C4orf50: variants seen among roughly 807,000 people sequenced by gnomAD.
C4orf50 encodes chromosome 4 open reading frame 50, also known as uncharacterized protein C4orf50.
C4orf50 carries 80 observed loss-of-function variants against 77.2 expected under a neutral mutation model. That is an observed-to-expected ratio of 1.04 (90% CI 0.87 to 1.25). The LOEUF is 1.25. Among genes scored for constraint, C4orf50 ranks in the 50% most tolerant of loss-of-function variants. C4orf50 has a pLI of 0.00. For missense variants in C4orf50, 1,257 were observed against 1,152.9 expected (o/e 1.09, Z -1.31); for synonymous variants, 532 against 465.3 (o/e 1.14, Z -1.84).
intron 25 of C4orf50, among the ~76,000 whole-genome samples, chr4:5,997,016 C>T (rs16838037): frequency 2.0e-5 from 3 of 151,462 alleles, no homozygotes; most frequent in South Asian, 2.1e-4. Context: ...ATCAAAGAAA[C>T]GAAGTGAAAG....
intron 7 of C4orf50, among the ~76,000 whole-genome samples, chr4:5,950,897 G>A (rs1163723027): frequency 1.3e-5 from 2 of 152,202 alleles, no homozygotes; most frequent in Non-Finnish European, 2.9e-5. Flanking sequence ...ATGGATGGGT[G>A]GATGAATGAA....
exon 32 of C4orf50, chr4:5,967,440 T>G (rs1472941743): frequency 2.5e-6 from 4 of 1,614,092 alleles, no homozygotes; most frequent in South Asian, 1.1e-5. Context: ...CATCTCAGAC[T>G]TGACGTCCAG....
intron 7 of C4orf50, among the ~76,000 whole-genome samples, chr4:5,917,595 G>A (rs1036866117): frequency 2.6e-5 from 4 of 151,796 alleles, no homozygotes; most frequent in African/African-American, 9.7e-5. Context: ...TGTATTTTTA[G>A]TAGAGACAGG....
chr4:5,959,990 A>AG (rs1254943660), intron 33 of C4orf50, among the ~76,000 whole-genome samples: 1 of 152,182 alleles, frequency 6.6e-6, no homozygotes, highest in East Asian at 1.9e-4. Flanking sequence ...TTCCCTTGAA[A>AG]GGGGAAGTCA....
exon 28 of C4orf50, chr4:5,990,170 G>C (rs925999128): frequency 2.2e-5 from 27 of 1,249,588 alleles, no homozygotes; most frequent in Non-Finnish European, 2.5e-5. Flanking sequence ...TGTAGAAGAG[G>C]CATCAAAAAC....
chr4:5,959,076 G>A (rs941000713), exon 34 of C4orf50: 2 of 284,848 alleles, frequency 7.0e-6, no homozygotes, highest in South Asian at 6.5e-5. Flanking sequence ...TTCCCTGGGG[G>A]GCTAAAACTG....
At chr4:5,938,222 C>G (rs181508859) in intron 7 of C4orf50, among the ~76,000 whole-genome samples, 3 of 152,260 alleles carry the variant, frequency 2.0e-5, no homozygotes, top group Non-Finnish European at 4.4e-5. Flanking sequence ...TTATATGAAC[C>G]ATATTCTCTG....
chr4:5,917,990 C>T (rs987386933), intron 7 of C4orf50, among the ~76,000 whole-genome samples: 5 of 152,016 alleles, frequency 3.3e-5, no homozygotes, highest in South Asian at 2.1e-4. Context: ...ACGCAAATGA[C>T]GACTAAGAAA....
At chr4:5,997,115 C>T (rs962327479) in intron 25 of C4orf50, among the ~76,000 whole-genome samples, 1 of 151,932 alleles carries the variant, frequency 6.6e-6, no homozygotes, top group Non-Finnish European at 1.5e-5. Context: ...AGAGAGAAGT[C>T]GAAGGAAGAG....
chr4:5,990,046 G>A (rs1384614141), exon 28 of C4orf50: 5 of 1,350,220 alleles, frequency 3.7e-6, no homozygotes, highest in East Asian at 5.3e-5. Context: ...GGCTGGGGGT[G>A]CCACTTCCTC....
chr4:5,947,728 G>A (rs1718542302), intron 7 of C4orf50, among the ~76,000 whole-genome samples: 1 of 152,160 alleles, frequency 6.6e-6, no homozygotes, highest in Admixed American at 6.5e-5. Flanking sequence ...CATCCAGGCT[G>A]TAGCCTAACA....
intron 7 of C4orf50, among the ~76,000 whole-genome samples, chr4:5,929,446 A>AACTTT (rs1717662732): frequency 6.6e-6 from 1 of 151,806 alleles, no homozygotes; most frequent in South Asian, 2.1e-4. Flanking sequence ...CTTTAGGAAT[A>AACTTT]ACATTTCCTT....
In C4orf50 at chr4:5,905,324, C is replaced by G. The variant is rs961655091; in HGVS notation, c.*2475-7136G>C. The stretch of plus-strand genomic sequence containing the variant: ...GTGACTTGAGACAGGAAGATGGTTG[C>G]TTGGCTTATAATTTGGCTCACTGGA... On this transcript the variant is annotated intron_variant, in intron 7 of 7. Transcript: ENST00000324058. This position sits in a 1 kb window ranked among gnomAD's most constrained non-coding sequence, Gnocchi z 5.4. 2.6e-5 allele frequency: 4 copies of G among 152,208 alleles called. No individual in the cohort carries two copies. Among genetic ancestry groups the G allele is most frequent in the Non-Finnish European group, 5.9e-5 (4 of 68,052 alleles). 9.4% of individuals were successfully genotyped at this position (152,208 alleles called of 1,614,324 possible). A position where few individuals can be genotyped will look rare whatever the true frequency, so the allele number is the denominator to read the frequency against.
At chr4:5,924,761 G>A (rs534662890) in intron 7 of C4orf50, among the ~76,000 whole-genome samples, 5 of 152,164 alleles carry the variant, frequency 3.3e-5, no homozygotes, top group Non-Finnish European at 7.3e-5. Context: ...ACAATATGAA[G>A]CGGCTTTATA....
At chr4:5,941,682 G>C (rs139597533) in intron 7 of C4orf50, among the ~76,000 whole-genome samples, 1 of 152,066 alleles carries the variant, frequency 6.6e-6, no homozygotes, top group Non-Finnish European at 1.5e-5. Context: ...CCCAGCACAC[G>C]CTAAACAGTC....
intron 25 of C4orf50, among the ~76,000 whole-genome samples, chr4:6,004,221 ATGATGTGATGGTGATGATGATGG>A (rs1722077090): frequency 1.6e-4 from 6 of 37,860 alleles, no homozygotes; most frequent in Admixed American, 3.1e-4. Context: ...GGTGATGGTG[ATGATGTGATGGTGATGATGATGG>A]TGATGATGGT....
At chr4:5,953,895 GT>G (rs1438667646), downstream of C4orf50, among the ~76,000 whole-genome samples, 2 of 152,250 alleles carry the variant, frequency 1.3e-5, no homozygotes, top group Non-Finnish European at 1.5e-5. Context: ...GGCAGCCTCT[GT>G]AAAAGGCACT....
chr4:5,946,188 A>G lies in C4orf50; in HGVS notation c.*2474+10713T>C, dbSNP rs967351678. On this transcript the variant is annotated intron_variant, in intron 7 of 7. Coordinates refer to the C4orf50 transcript ENST00000324058. ...TTCACCCCTTGTCCTGCCCCTGAGC[A>G]GGACACACCCTCTGCTTCCCAGGAG... 9.9e-5 allele frequency among the ~76,000 whole-genome samples: 15 copies of G among 152,276 alleles called. No individual in the cohort carries two copies. The East Asian group carries it at 2.3e-3, about 24-fold the overall frequency.
downstream of C4orf50, among the ~76,000 whole-genome samples, chr4:5,955,386 G>A (rs552051296): frequency 5.3e-5 from 8 of 152,076 alleles, no homozygotes; most frequent in Non-Finnish European, 1.0e-4. This position sits in a 1 kb window ranked among gnomAD's most constrained non-coding sequence, Gnocchi z 5.1. Context: ...TGCCTCCAGC[G>A]TTACAGGGGA....
Sources: allele counts gnomAD v4.1 joint callset (sites outside exome capture counted in the v4.1 genomes callset), GRCh38; gene constraint gnomAD v4.1.1; non-coding constraint Gnocchi (gnomAD v3.1); transcripts MANE v1.5; gene names NCBI Gene and HGNC (gene_info 2026-07-23, HGNC 2026-07-21).